Variants in ABCG1 observed in about 807,000 individuals in gnomAD.
ABCG1 encodes ATP binding cassette subfamily G member 1, also known as ATP-binding cassette sub-family G member 1.
In ABCG1, 29 loss-of-function variants were observed where a neutral mutation model predicts 69.2. The ratio of observed to expected loss-of-function variants is 0.42; its 90% CI spans 0.31 to 0.57. ABCG1 has a LOEUF of 0.57. Ranked by LOEUF, ABCG1 falls within the 20% of genes least tolerant of loss-of-function variation. The pLI is 0.15. For synonymous variants in ABCG1, 370 were observed against 374.8 expected (o/e 0.99, Z 0.15); for missense variants, 718 against 898.1 (o/e 0.80, Z 2.56).
chr21:42,270,812 A>G (rs1332531654), intron 2 of ABCG1, among the ~76,000 whole-genome samples: 3 of 152,194 alleles, frequency 2.0e-5, no homozygotes, highest in African/African-American at 7.2e-5. Context: ...AATGAGTGGG[A>G]AAGTGCTTTG....
chr21:42,241,750 G>T, intron 2 of ABCG1, among the ~76,000 whole-genome samples: 1 of 151,946 alleles, frequency 6.6e-6, no homozygotes, highest in Admixed American at 6.6e-5. Context: ...ACCTTGTGGG[G>T]CTGAGGTGGG....
rs775856302 is a variant in ABCG1 at position 42,287,909 on chromosome 21, G to A, written c.994G>A (p.Glu332Lys). The A allele has an allele frequency of 1.8e-5, 28 of 1,599,042 alleles. No homozygotes were observed. Among genetic ancestry groups the A allele is most frequent in the South Asian group, 1.2e-4 (11 of 89,468 alleles). The stretch of plus-strand genomic sequence containing the variant: ...TGCAGTCATGGAGGTTGCATCCGGC[G>A]AGTACGGTGATCAGAACAGTCGGCT... ...ADFVMEVASGEYGDQNSRLVR... is the reference protein window; with the variant it reads ...ADFVMEVASGKYGDQNSRLVR... Residue 332 changes from glutamate to lysine, a missense_variant, in exon 9 of 15, where the codon GAG becomes AAG. By Grantham distance (56) the Glu-to-Lys change is moderately conservative. This residue lies in a region of ABCG1 where 514 missense variants were observed against 574.3 expected (regional missense o/e 0.90). Coordinates refer to ENST00000398449, the MANE Select transcript of ABCG1 (RefSeq NM_016818.3). The surrounding 1 kb of genome is among the most constrained non-coding windows in gnomAD (Gnocchi z 6.2).
chr21:42,273,533 C>T lies in ABCG1; in HGVS notation c.537+98C>T, dbSNP rs2123739606. The T allele has an allele frequency of 2.1e-6, 3 of 1,428,304 alleles. No homozygotes were observed. The highest frequency in any genetic ancestry group is 1.9e-6 in the Non-Finnish European group (2 of 1,060,070). The allele number at this position is 1,428,304 out of a possible 1,614,324, so 88.5% of individuals were successfully genotyped here. A position where few individuals can be genotyped will look rare whatever the true frequency, so the allele number is the denominator to read the frequency against. Reference sequence around the variant, plus strand: ...GGCCGAGTGCCCAGCTGCGAGGGACCCAAGGGCTCTGCCACGCGGCCTGCA... The same window carrying T: ...GGCCGAGTGCCCAGCTGCGAGGGACTCAAGGGCTCTGCCACGCGGCCTGCA... On this transcript the variant is annotated intron_variant, in intron 4 of 14. Transcript: ENST00000398449. This position sits in a 1 kb window ranked among gnomAD's most constrained non-coding sequence, Gnocchi z 5.3.
chr21:42,227,833 G>A (rs1169787679), intron 2 of ABCG1, among the ~76,000 whole-genome samples: 1 of 151,572 alleles, frequency 6.6e-6, no homozygotes, highest in Non-Finnish European at 1.5e-5. Context: ...GTGGCATGGG[G>A]TGAGGGGAGA....
rs1447476297 is a variant in ABCG1 at position 42,286,619 on chromosome 21, G to A, written c.973+625G>A. 2.0e-5 allele frequency among the ~76,000 whole-genome samples: 3 copies of A among 152,160 alleles called. No individual in the cohort carries two copies. In the East Asian group the frequency reaches 5.8e-4, roughly 29 times the overall value. On this transcript the variant is annotated intron_variant, in intron 8 of 14. Transcript: ENST00000398449. ...CCAGGAGGGTTGTGGTTCTGGTTTCGTGCTCGCTCACAAGGAAGAGTAACA... is the reference window on the plus strand; with the variant it reads ...CCAGGAGGGTTGTGGTTCTGGTTTCATGCTCGCTCACAAGGAAGAGTAACA...
chr21:42,236,971 G>A lies in ABCG1; in HGVS notation c.286+11057G>A, dbSNP rs556065935. 2.8e-3 allele frequency among the ~76,000 whole-genome samples: 425 copies of A among 152,266 alleles called. 2 individuals carry two copies. Among genetic ancestry groups the A allele is most frequent in the African/African-American group, 9.7e-3 (404 of 41,544 alleles). ...AGGTTTCCTGTTTCTGAAGACCTGC[G>A]AATGAGTTTGTCCAGAAAATGGCCG... On this transcript the variant is annotated intron_variant, in intron 2 of 14. Transcript: ENST00000398449.
intron 2 of ABCG1, among the ~76,000 whole-genome samples, chr21:42,240,935 G>T (rs907845840): frequency 6.6e-6 from 1 of 152,274 alleles, no homozygotes; most frequent in African/African-American, 2.4e-5. Flanking sequence ...CACCAGATGT[G>T]CGTTCCCGCA....
chr21:42,284,712 G>T, intron 7 of ABCG1, 29 bp downstream of exon 7: 1 of 1,608,148 alleles, frequency 6.2e-7, no homozygotes. Flanking sequence ...CTCCCCGCCA[G>T]ATTACCACTG....
chr21:42,295,355 A>G, intron 14 of ABCG1: 7 of 130,562 alleles, frequency 5.4e-5, no homozygotes, highest in African/African-American at 2.8e-4. Flanking sequence ...AAAAAAAAAA[A>G]AAAAAAAAAA....
Position 42,273,412 on chromosome 21 carries a change from C to T in ABCG1, c.514C>T (p.Leu172Phe). Residue 172 changes from leucine to phenylalanine, a missense_variant, in exon 4 of 15, where the codon CTC becomes TTC. Leu to Phe is a conservative substitution (Grantham distance 22, BLOSUM62 0). Coordinates refer to ENST00000398449, the MANE Select transcript of ABCG1 (RefSeq NM_016818.3). This position sits in a 1 kb window ranked among gnomAD's most constrained non-coding sequence, Gnocchi z 5.3. ...GCAGGATGACATGCTGCTGCCGCAT[C>T]TCACTGTGCAGGAGGCCATGATGGT... is the stretch of plus-strand genomic sequence containing the variant. Reference protein sequence around the residue: ...IMQDDMLLPHLTVQEAMMVSA... With the variant: ...IMQDDMLLPHFTVQEAMMVSA... 6.2e-7 allele frequency: 1 copy of T among 1,613,894 alleles called. No individual in the cohort carries two copies. The highest frequency in any genetic ancestry group is 1.1e-5 in the South Asian group (1 of 91,086).
chr21:42,271,053 G>GAATATC lies in ABCG1; in HGVS notation c.287-16_287-15insATATCA. 6.9e-7 allele frequency: 1 copy of GAATATC among 1,441,532 alleles called. No homozygotes were observed. Among genetic ancestry groups the GAATATC allele is most frequent in the Non-Finnish European group, 9.3e-7 (1 of 1,080,424 alleles). 89.3% of individuals were successfully genotyped at this position (1,441,532 alleles called of 1,614,324 possible). A position where few individuals can be genotyped will look rare whatever the true frequency, so the allele number is the denominator to read the frequency against. On this transcript the variant is annotated splice_polypyrimidine_tract_variant and intron_variant, in intron 2 of 14. Transcript: ENST00000398449. ...GATAAAATGAAATGAATATGAATAT[G>GAATATC]ATCTGCTTTTTTGCAGGATACAAGA...
chr21:42,296,752 G>A lies in ABCG1; in HGVS notation c.*360G>A. ...CTTAGCACCAGGCACCGTGGGTCCTGGATGGGGAACTGCAAGCAGCCTCTC... is the reference window on the plus strand; with the variant it reads ...CTTAGCACCAGGCACCGTGGGTCCTAGATGGGGAACTGCAAGCAGCCTCTC... On this transcript the variant is annotated 3_prime_UTR_variant, in exon 15 of 15. Transcript: ENST00000398449. This position sits in a 1 kb window ranked among gnomAD's most constrained non-coding sequence, Gnocchi z 5.4. 1 of 292,768 alleles carries A rather than the reference G, an allele frequency of 3.4e-6. No individual in the cohort carries two copies. The highest frequency in any genetic ancestry group is 4.9e-5 in the South Asian group (1 of 20,480). The allele number at this position is 292,768 out of a possible 1,614,324, so 18.1% of individuals were successfully genotyped here.
At chr21:42,209,616 G>A (rs1429038620) in intron 2 of ABCG1, among the ~76,000 whole-genome samples, 1 of 152,182 alleles carries the variant, frequency 6.6e-6, no homozygotes, top group Non-Finnish European at 1.5e-5. Context: ...TAACTTCCTT[G>A]TCAAACTGAT....
intron 2 of ABCG1, chr21:42,259,937 G>A (rs1291500774): frequency 2.0e-6 from 3 of 1,476,502 alleles, no homozygotes; most frequent in Non-Finnish European, 2.7e-6. Context: ...AGCAGCTGTG[G>A]GTTGGACGGT....
In ABCG1 at chr21:42,259,383, G is replaced by A. The variant is rs191428160; in HGVS notation, c.287-11687G>A. The A allele has an allele frequency of 3.9e-6, 6 of 1,550,432 alleles. No homozygotes were observed. In the African/African-American group the frequency reaches 8.2e-5, roughly 21 times the overall value. On this transcript the variant is annotated intron_variant, in intron 2 of 14. Transcript: ENST00000398449. ...ACTGGAGAGCTCAGTGTTTGTGACA[G>A]ACTGCGTGTCCTGCAAAATCGAAAA...
At chr21:42,226,030 G>A (rs1387470050) in intron 2 of ABCG1, 116 bp downstream of exon 2, 21 of 1,186,982 alleles carry the variant, frequency 1.8e-5, no homozygotes, top group Non-Finnish European at 2.0e-5. Flanking sequence ...TCTTCCCAAC[G>A]CCGTCACTGC....
chr21:42,242,615 G>A (rs1467272862), intron 2 of ABCG1, among the ~76,000 whole-genome samples: 1 of 152,232 alleles, frequency 6.6e-6, no homozygotes, highest in Non-Finnish European at 1.5e-5. Flanking sequence ...GGCGGAAGGA[G>A]CATGATGAGA....
intron 3 of ABCG1, among the ~76,000 whole-genome samples, chr21:42,272,543 G>A (rs902328556): frequency 4.6e-5 from 7 of 152,234 alleles, no homozygotes; most frequent in East Asian, 1.9e-4. Flanking sequence ...TCCCCATAAC[G>A]TCTAGGAGGT....
At chr21:42,279,610 G>T (rs997975186) in intron 5 of ABCG1, among the ~76,000 whole-genome samples, 1 of 152,206 alleles carries the variant, frequency 6.6e-6, no homozygotes, top group Non-Finnish European at 1.5e-5. Flanking sequence ...CTCTGAGCTC[G>T]ATGGAGCCCA....
Sources: allele counts gnomAD v4.1 joint callset (sites outside exome capture counted in the v4.1 genomes callset), GRCh38; gene constraint gnomAD v4.1.1; regional missense constraint gnomAD v4.1.1; non-coding constraint Gnocchi (gnomAD v3.1); transcripts MANE v1.5; gene names NCBI Gene and HGNC (gene_info 2026-07-23, HGNC 2026-07-21).